Variants in EXOC5 observed in about 807,000 individuals in gnomAD.
The protein encoded by EXOC5 is SEC10-like 1.
EXOC5 carries 17 observed loss-of-function variants against 90.8 expected under a neutral mutation model. The ratio of observed to expected loss-of-function variants is 0.19; its 90% confidence interval spans 0.13 to 0.28. The LOEUF (loss-of-function observed/expected upper bound fraction) is 0.28, where lower values mean the gene tolerates loss of function less well. EXOC5 is among the 10% of genes least tolerant of loss of function. EXOC5 has a pLI of 1.00. For synonymous variants in EXOC5, 260 were observed against 270.0 expected, an observed-to-expected ratio of 0.96 and a Z score of 0.36; for missense variants, 569 against 830.6, an observed-to-expected ratio of 0.69 and a Z score of 3.87.
At chr14:57,227,140 GAACA>G (rs1295381952) in intron 12 of EXOC5, among the ~76,000 whole-genome samples, 1 of 152,046 alleles carries the variant, frequency 6.6e-6, no homozygotes, top group Non-Finnish European at 1.5e-5. Context: ...CAAAAGATCT[GAACA>G]AACACTTCAC....
chr14:57,238,373 T>C (rs57276324), intron 5 of EXOC5, among the ~76,000 whole-genome samples: 21,326 of 79,006 alleles, frequency 0.27, 4,048 homozygotes, highest in African/African-American at 0.56. Flanking sequence ...TATATATATA[T>C]ATACACACAC....
chr14:57,223,030 T>G (rs1355258815), intron 12 of EXOC5, among the ~76,000 whole-genome samples: 2 of 152,104 alleles, frequency 1.3e-5, no homozygotes, highest in African/African-American at 4.8e-5. Flanking sequence ...AGTGAACCTT[T>G]GAGATGTTAT....
At position 57,202,747 on chromosome 14, in the gene EXOC5, G is replaced by A. The variant is rs1266120321; in HGVS notation, c.*5862C>T. 2.6e-5 allele frequency: 4 copies of A among 152,120 alleles called. No individual in the cohort carries two copies. The highest frequency in any genetic ancestry group is 2.1e-4 in the South Asian group (1 of 4,830). The allele number at this position is 152,120 out of a possible 1,614,324, so 9.4% of individuals were successfully genotyped here. The stretch of plus-strand genomic sequence containing the variant: ...TAATTTCCTTTGAAATTTTTCTCAT[G>A]CAAGACTTTCAGAATCTTGTTTACA... On this transcript the variant is annotated 3_prime_UTR_variant, in exon 18 of 18. Transcript: ENST00000621441.
In EXOC5 at chr14:57,268,783, C is replaced by A; in HGVS notation, c.-135G>T. The A allele has an allele frequency of 7.0e-7, 1 of 1,432,292 alleles. No homozygotes were observed. The allele number at this position is 1,432,292 out of a possible 1,614,324, so 88.7% of individuals were successfully genotyped here. On this transcript the variant is annotated 5_prime_UTR_variant, in exon 1 of 18. Transcript: ENST00000621441. ...GGGCCGCTGCGGGCTCCCCAGCTCC[C>A]CACAGATCCCAGGAGGGGCGGGAGA... is the stretch of plus-strand genomic sequence containing the variant.
chr14:57,218,195 T>G (rs1883027299), intron 14 of EXOC5, 127 bp from the exon 15 acceptor site: 1 of 489,268 alleles, frequency 2.0e-6, no homozygotes, highest in Non-Finnish European at 3.6e-6. Context: ...ACATTAATAT[T>G]GTTAACAAAT....
chr14:57,224,165 CAG>C (rs919036336), intron 12 of EXOC5, among the ~76,000 whole-genome samples: 24 of 151,662 alleles, frequency 1.6e-4, no homozygotes, highest in Non-Finnish European at 1.0e-4. Flanking sequence ...ACTAAAAAAA[CAG>C]GGGGTTTGGG....
At chr14:57,248,194 G>A (rs752281919) in intron 1 of EXOC5, among the ~76,000 whole-genome samples, 49 of 151,392 alleles carry the variant, frequency 3.2e-4, no homozygotes, top group Non-Finnish European at 1.2e-4. Flanking sequence ...AATCTTTTTG[G>A]AGGCCAGCGG....
At chr14:57,218,559 T>A (rs1883036868) in intron 14 of EXOC5, among the ~76,000 whole-genome samples, 1 of 152,044 alleles carries the variant, frequency 6.6e-6, no homozygotes. Context: ...TATCAGAATG[T>A]CAAAACATTC....
intron 9 of EXOC5, 75 bp from the exon 10 acceptor site, chr14:57,232,824 T>C: frequency 1.5e-6 from 1 of 678,750 alleles, no homozygotes; most frequent in Non-Finnish European, 2.4e-6. Flanking sequence ...ATTTTTCTTT[T>C]AAAATTCACT....
intron 12 of EXOC5, among the ~76,000 whole-genome samples, chr14:57,227,996 C>A (rs564721934): frequency 7.0e-6 from 1 of 143,864 alleles, no homozygotes; most frequent in East Asian, 2.0e-4. Flanking sequence ...TACATACAAA[C>A]AAGATATATA....
In EXOC5 at chr14:57,209,487, A is replaced by G. The variant is rs1169721725; in HGVS notation, c.1938+80T>C. 17 of 728,292 alleles carry G rather than the reference A, an allele frequency of 2.3e-5. No individual in the cohort carries two copies. In the East Asian group the frequency reaches 2.4e-4, roughly 10 times the overall value. 45.1% of individuals were successfully genotyped at this position (728,292 alleles called of 1,614,324 possible). ...AAAAGTTATAAACCTTTCACTAATT[A>G]TAAGTAAATAGTGATTTTTAATAAT... On this transcript the variant is annotated intron_variant, in intron 17 of 17. Transcript: ENST00000621441.
chr14:57,226,958 A>G (rs1883325487), intron 12 of EXOC5, among the ~76,000 whole-genome samples: 1 of 152,184 alleles, frequency 6.6e-6, no homozygotes, highest in South Asian at 2.1e-4. Context: ...CCAGAACAGA[A>G]AAGTATTATT....
In EXOC5 at chr14:57,227,945, TACACACAC is replaced by T. The variant is rs60100460; in HGVS notation, c.1296+1781_1296+1788del. 9.7e-3 allele frequency among the ~76,000 whole-genome samples: 1,415 copies of T among 146,012 alleles called. 18 individuals are homozygous for T. Among genetic ancestry groups the T allele is most frequent in the Middle Eastern group, 0.035 (10 of 282 alleles). On this transcript the variant is annotated intron_variant, in intron 12 of 17. Coordinates refer to ENST00000621441, the MANE Select transcript of EXOC5 (RefSeq NM_006544.4). ...AAATAAGTTTACATACATATATATA[TACACACAC>T]ACACACACACACACACACACACGTA... is the stretch of plus-strand genomic sequence containing the variant.
At chr14:57,256,404 A>G (rs1226756588) in intron 1 of EXOC5, among the ~76,000 whole-genome samples, 1 of 152,136 alleles carries the variant, frequency 6.6e-6, no homozygotes, top group Non-Finnish European at 1.5e-5. Flanking sequence ...CAGAGTTACA[A>G]TCGATAGTAG....
At chr14:57,256,097 T>C (rs908380699) in intron 1 of EXOC5, among the ~76,000 whole-genome samples, 1 of 152,176 alleles carries the variant, frequency 6.6e-6, no homozygotes, top group Non-Finnish European at 1.5e-5. Context: ...GTCATTAAAC[T>C]ATAACTACAA....
chr14:57,261,110 T>A (rs1220157604), intron 1 of EXOC5, among the ~76,000 whole-genome samples: 3 of 152,238 alleles, frequency 2.0e-5, no homozygotes, highest in Non-Finnish European at 4.4e-5. Context: ...GTTTTAAAAA[T>A]ATATATATAC....
intron 1 of EXOC5, among the ~76,000 whole-genome samples, chr14:57,256,588 C>G (rs934373730): frequency 6.6e-6 from 1 of 152,174 alleles, no homozygotes; most frequent in African/African-American, 2.4e-5. Context: ...AATAGTGGAA[C>G]AAGGGTTGTC....
intron 7 of EXOC5, among the ~76,000 whole-genome samples, chr14:57,235,452 G>C (rs1316154088): frequency 6.6e-6 from 1 of 151,696 alleles, no homozygotes; most frequent in Non-Finnish European, 1.5e-5. Flanking sequence ...CTTTATCAAA[G>C]TATAAAAATT....
At position 57,206,162 on chromosome 14, in the gene EXOC5, T is replaced by C. The variant is rs1313222931; in HGVS notation, c.*2447A>G. ...TATTAGCTCATGCGGTATTGTGTAATACTGCAAAGACCGTACTTACGTAAA... is the reference window on the plus strand; with the variant it reads ...TATTAGCTCATGCGGTATTGTGTAACACTGCAAAGACCGTACTTACGTAAA... On this transcript the variant is annotated 3_prime_UTR_variant, in exon 18 of 18. Transcript: ENST00000621441. 2 of 347,270 alleles carry C rather than the reference T, an allele frequency of 5.8e-6. No individual in the cohort carries two copies. The highest frequency in any genetic ancestry group is 1.1e-5 in the Non-Finnish European group (2 of 177,770). 21.5% of individuals were successfully genotyped at this position (347,270 alleles called of 1,614,324 possible). A position where few individuals can be genotyped will look rare whatever the true frequency, so the allele number is the denominator to read the frequency against.
Sources: allele counts gnomAD v4.1 joint callset (sites outside exome capture counted in the v4.1 genomes callset), GRCh38; gene constraint gnomAD v4.1.1; transcripts MANE v1.5; gene names NCBI Gene and HGNC (gene_info 2026-07-23, HGNC 2026-07-21).